CASD1: variants seen among roughly 807,000 people sequenced by gnomAD.
CASD1 encodes the protein N-acetylneuraminate (7)9-O-acetyltransferase.
CASD1 carries 41 observed loss-of-function variants against 100.0 expected under a neutral mutation model. The observed-to-expected ratio is 0.41, with a 90% confidence interval of 0.32 to 0.53. CASD1 has a LOEUF of 0.53. CASD1 is among the 20% of genes least tolerant of loss of function. CASD1 has a pLI of 0.25. For synonymous variants in CASD1, 321 were observed against 315.6 expected (o/e 1.02, Z -0.18); for missense variants, 774 against 948.7 (o/e 0.82, Z 2.42).
chr7:94,541,361 CTG>C (rs550172540), intron 10 of CASD1, among the ~76,000 whole-genome samples: 80 of 151,682 alleles, frequency 5.3e-4, no homozygotes, highest in East Asian at 1.5e-3. Flanking sequence ...TAAAAGATAA[CTG>C]TATCAAAAAT....
intron 13 of CASD1, among the ~76,000 whole-genome samples, chr7:94,547,764 G>T (rs572120759): frequency 6.6e-6 from 1 of 151,630 alleles, no homozygotes; most frequent in Admixed American, 6.6e-5. Context: ...TCAGGCATAC[G>T]TATTATTTGG....
At chr7:94,558,725 G>A (rs2116453447), downstream of CASD1, among the ~76,000 whole-genome samples, 1 of 152,176 alleles carries the variant, frequency 6.6e-6, no homozygotes, top group African/African-American at 2.4e-5. Flanking sequence ...AAAAGGAAGT[G>A]GTCGTCCAAA....
chr7:94,531,595 T>A (rs1794853632), intron 5 of CASD1, among the ~76,000 whole-genome samples: 1 of 152,146 alleles, frequency 6.6e-6, no homozygotes. Context: ...TGAAAATTCT[T>A]CAACAGTGTA....
the CASD1 span, among the ~76,000 whole-genome samples, chr7:94,602,012 T>G: frequency 6.6e-6 from 1 of 152,150 alleles, no homozygotes; most frequent in Non-Finnish European, 1.5e-5. Flanking sequence ...TATAAAGCCT[T>G]AACAGATAAA....
At chr7:94,512,369 C>T (rs1793753994) in intron 1 of CASD1, among the ~76,000 whole-genome samples, 1 of 152,156 alleles carries the variant, frequency 6.6e-6, no homozygotes, top group East Asian at 1.9e-4. Flanking sequence ...GAAAATCTTG[C>T]TTTAGAATAA....
Position 94,509,878 on chromosome 7 carries a change from G to A in CASD1, c.-207G>A, listed in dbSNP as rs1793594990. 1 of 1,037,466 alleles carries A rather than the reference G, an allele frequency of 9.6e-7. No individual in the cohort carries two copies. The highest frequency in any genetic ancestry group is 1.2e-6 in the Non-Finnish European group (1 of 864,642). 64.3% of individuals were successfully genotyped at this position (1,037,466 alleles called of 1,614,324 possible). A position where few individuals can be genotyped will look rare whatever the true frequency, so the allele number is the denominator to read the frequency against. ...GCGGCGGCGGGGCTGGGGGGAGGCC[G>A]CCGAGTCGGCCGCGGCCGAGGAGGG... On this transcript the variant is annotated 5_prime_UTR_variant, in exon 1 of 18. Coordinates refer to ENST00000297273, the MANE Select transcript of CASD1 (RefSeq NM_022900.5).
chr7:94,544,349 T>TA, intron 10 of CASD1, 62 bp from the exon 11 acceptor site: 1 of 1,582,786 alleles, frequency 6.3e-7, no homozygotes, highest in Non-Finnish European at 8.6e-7. Context: ...ATGTACTTGT[T>TA]ATGATAATCC....
the CASD1 span, chr7:94,588,858 C>A: frequency 1.0e-6 from 1 of 988,556 alleles, no homozygotes; most frequent in Non-Finnish European, 1.6e-6. Context: ...CAGCACAATT[C>A]CCCTCCCCTT....
At chr7:94,518,746 T>A (rs543300017) in intron 3 of CASD1, among the ~76,000 whole-genome samples, 4 of 152,116 alleles carry the variant, frequency 2.6e-5, no homozygotes, top group South Asian at 4.1e-4. Flanking sequence ...TCTTCACCAC[T>A]TATTCACCAT....
At chr7:94,591,804 G>T in the CASD1 span, among the ~76,000 whole-genome samples, 3 of 152,142 alleles carry the variant, frequency 2.0e-5, no homozygotes, top group African/African-American at 4.8e-5. Context: ...GACATGGCTG[G>T]TTGAGAAAAA....
At chr7:94,564,558 A>G in the CASD1 span, among the ~76,000 whole-genome samples, 2 of 152,274 alleles carry the variant, frequency 1.3e-5, no homozygotes, top group East Asian at 1.9e-4. Flanking sequence ...TCAAGTATAT[A>G]AATTCCAATT....
intron 5 of CASD1, among the ~76,000 whole-genome samples, chr7:94,529,699 T>C (rs946139758): frequency 1.3e-5 from 2 of 152,138 alleles, no homozygotes; most frequent in East Asian, 1.9e-4. Flanking sequence ...TCAAGGAATT[T>C]GCAATCTAGT....
At chr7:94,531,340 C>G (rs959451437) in intron 5 of CASD1, among the ~76,000 whole-genome samples, 4 of 152,082 alleles carry the variant, frequency 2.6e-5, no homozygotes, top group African/African-American at 7.2e-5. Flanking sequence ...TTTCTTTACT[C>G]TCTTGTCAGA....
the CASD1 span, among the ~76,000 whole-genome samples, chr7:94,595,568 T>C: frequency 1.3e-5 from 2 of 152,158 alleles, no homozygotes; most frequent in Non-Finnish European, 2.9e-5. Flanking sequence ...TACCTGGTTA[T>C]TGAGTACTGT....
At chr7:94,533,520 T>G (rs1794953635) in intron 6 of CASD1, among the ~76,000 whole-genome samples, 159 bp from the exon 7 acceptor site, 2 of 152,176 alleles carry the variant, frequency 1.3e-5, no homozygotes, top group Admixed American at 1.3e-4. Flanking sequence ...TTCTAATTGC[T>G]TTCATATATT....
At chr7:94,575,353 G>A in the CASD1 span, among the ~76,000 whole-genome samples, 236 of 152,244 alleles carry the variant, frequency 1.6e-3, no homozygotes, top group African/African-American at 5.5e-3. Flanking sequence ...GTAATTGCAT[G>A]GTTTTGAGTG....
the CASD1 span, chr7:94,624,458 A>ATT: frequency 5.4e-6 from 2 of 368,020 alleles, no homozygotes; most frequent in Admixed American, 4.6e-5. Flanking sequence ...TGAAAGGCAT[A>ATT]TTACTCCATA....
At chr7:94,531,398 A>C (rs971435552) in intron 5 of CASD1, among the ~76,000 whole-genome samples, 4 of 152,074 alleles carry the variant, frequency 2.6e-5, no homozygotes, top group South Asian at 2.1e-4. Flanking sequence ...TGAAGGAAGG[A>C]AGGCAAGAGC....
At chr7:94,542,940 G>C (rs1795487261) in intron 10 of CASD1, among the ~76,000 whole-genome samples, 1 of 152,064 alleles carries the variant, frequency 6.6e-6, no homozygotes, top group South Asian at 2.1e-4. Flanking sequence ...AAAACTCTTT[G>C]TTTGATATGT....
Sources: gnomAD v4.1 joint callset for allele counts (sites outside exome capture counted in the v4.1 genomes callset) on GRCh38, gnomAD v4.1.1 for gene constraint, MANE v1.5 for transcripts, NCBI Gene and HGNC (gene_info 2026-07-23, HGNC 2026-07-21) for gene names.